The following VPS53 variants were observed in gnomAD, a reference collection of about 807,000 sequenced individuals.
VPS53 encodes the protein VPS53 subunit of GARP complex.
In VPS53, 70 loss-of-function variants were observed where a neutral mutation model predicts 107.0. The ratio of observed to expected loss-of-function variants is 0.65; its 90% confidence interval spans 0.54 to 0.80. VPS53 has a LOEUF of 0.80. VPS53 is among the 30% of genes least tolerant of loss of function. The pLI, the probability that VPS53 is intolerant of heterozygous loss-of-function variation, is 0.00. For missense variants in VPS53, 917 were observed against 1,049.4 expected (o/e 0.87, Z 1.74); for synonymous variants, 409 against 393.3 (o/e 1.04, Z -0.47).
chr17:521,487 T>C, intron 20 of VPS53, 114 bp downstream of exon 20: 1 of 1,213,588 alleles, frequency 8.2e-7, no homozygotes, highest in South Asian at 2.6e-5. Context: ...CCCAAGAATG[T>C]GGACCATGCT....
intron 5 of VPS53, chr17:657,659 C>T (rs980725055): frequency 1.7e-6 from 1 of 577,738 alleles, no homozygotes; most frequent in Non-Finnish European, 3.1e-6. Context: ...GAAGGGAGTG[C>T]CCTGGATACC....
chr17:566,471 G>A (rs1238547192), intron 13 of VPS53, among the ~76,000 whole-genome samples: 6 of 152,104 alleles, frequency 3.9e-5, no homozygotes, highest in South Asian at 2.1e-4. Context: ...CCCCCGGCCC[G>A]CCCGTCATGC....
At chr17:655,808 G>A (rs751171466) in intron 6 of VPS53, 30 bp downstream of exon 6, 2 of 1,579,990 alleles carry the variant, frequency 1.3e-6, no homozygotes, top group African/African-American at 1.4e-5. Context: ...ATTTCCCGTG[G>A]CCCCAAAAGA....
intron 4 of VPS53, among the ~76,000 whole-genome samples, chr17:662,198 C>G (rs529429543): frequency 6.6e-6 from 1 of 152,264 alleles, no homozygotes; most frequent in East Asian, 1.9e-4. Flanking sequence ...ACAAGTAGAT[C>G]TCTGTGTGTG....
chr17:687,162 G>A (rs1972615478), intron 4 of VPS53, among the ~76,000 whole-genome samples: 1 of 152,080 alleles, frequency 6.6e-6, no homozygotes, highest in African/African-American at 2.4e-5. Context: ...GTGGTCGCCT[G>A]TAATCTCAGC....
At position 578,997 on chromosome 17, in the gene VPS53, C is replaced by A. The variant is rs375596559; in HGVS notation, c.1313+7273G>T. ...TAATGCGTTCCCAGAGAACCCCCAACAGAATCTCAGTGGGTTACCAGAAAA... is the reference window on the plus strand; with the variant it reads ...TAATGCGTTCCCAGAGAACCCCCAAAAGAATCTCAGTGGGTTACCAGAAAA... On this transcript the variant is annotated intron_variant, in intron 13 of 21. Coordinates refer to ENST00000437048, the MANE Select transcript of VPS53 (RefSeq NM_001128159.3). 5.2e-3 allele frequency among the ~76,000 whole-genome samples: 777 copies of A among 150,814 alleles called. 6 individuals carry two copies. Among genetic ancestry groups the A allele is most frequent in the African/African-American group, 0.018 (741 of 40,966 alleles).
intron 6 of VPS53, among the ~76,000 whole-genome samples, chr17:655,185 G>C (rs995035553): frequency 6.6e-6 from 1 of 152,218 alleles, no homozygotes; most frequent in Non-Finnish European, 1.5e-5. Context: ...AGGTGAGCTG[G>C]AGTGTCAGAA....
chr17:555,655 T>G (rs1435079494), intron 15 of VPS53, among the ~76,000 whole-genome samples: 1 of 152,120 alleles, frequency 6.6e-6, no homozygotes, highest in Non-Finnish European at 1.5e-5. Context: ...TCTTTATACC[T>G]CCTAATGGAA....
intron 19 of VPS53, among the ~76,000 whole-genome samples, chr17:527,121 C>T (rs1038400888): frequency 2.0e-5 from 3 of 152,222 alleles, no homozygotes; most frequent in Non-Finnish European, 4.4e-5. Context: ...CAGACATGTG[C>T]ACATCCTGCT....
At position 697,534 on chromosome 17, in the gene VPS53, G is replaced by T. The variant is rs774960269; in HGVS notation, c.219-50C>A. On this transcript the variant is annotated intron_variant, in intron 3 of 21. Transcript: ENST00000437048. Reference sequence around the variant, plus strand: ...GTCATTCAAATAATCTTTATTCTAGGTTGACCAAAAGAAAAAAAGTAAAAA... The same window carrying T: ...GTCATTCAAATAATCTTTATTCTAGTTTGACCAAAAGAAAAAAAGTAAAAA... 1.2e-5 allele frequency: 18 copies of T among 1,472,072 alleles called. No individual in the cohort carries two copies. The East Asian group carries it at 1.4e-4, about 11-fold the overall frequency. The allele number at this position is 1,472,072 out of a possible 1,614,324, so 91.2% of individuals were successfully genotyped here.
Position 562,799 on chromosome 17 carries a change from C to T in VPS53, c.1314-54G>A. ...TTATTTTACTTCAAGAAAAGTAAAG[C>T]AAATGTGCTCGTTTGCAATGTACAT... is the stretch of plus-strand genomic sequence containing the variant. On this transcript the variant is annotated intron_variant, in intron 13 of 21. Transcript: ENST00000437048. The T allele has an allele frequency of 6.4e-6, 10 of 1,571,710 alleles. 1 individual carries two copies. The South Asian group carries it at 1.2e-4, about 18-fold the overall frequency.
At chr17:608,465 G>T (rs189985217) in intron 11 of VPS53, among the ~76,000 whole-genome samples, 1 of 152,064 alleles carries the variant, frequency 6.6e-6, no homozygotes, top group African/African-American at 2.4e-5. Context: ...TTGCAGAAGC[G>T]TCAAAAATAT....
At chr17:532,130 G>A (rs1187273517) in intron 19 of VPS53, 3 of 151,676 alleles carry the variant, frequency 2.0e-5, no homozygotes, top group African/African-American at 4.8e-5. Flanking sequence ...TGTATTATTA[G>A]TAGAGACAGG....
At chr17:678,543 T>G (rs1972254281) in intron 4 of VPS53, among the ~76,000 whole-genome samples, 1 of 151,636 alleles carries the variant, frequency 6.6e-6, no homozygotes, top group Non-Finnish European at 1.5e-5. Context: ...CTCGGCTCAC[T>G]ACAACCTCTG....
chr17:590,603 G>C (rs1365155557), intron 12 of VPS53, among the ~76,000 whole-genome samples: 2 of 152,066 alleles, frequency 1.3e-5, no homozygotes, highest in East Asian at 3.9e-4. Flanking sequence ...GTTGAATTTT[G>C]TCAAAGGCCT....
intron 19 of VPS53, among the ~76,000 whole-genome samples, chr17:529,694 T>C (rs1909384532): frequency 6.6e-6 from 1 of 152,150 alleles, no homozygotes; most frequent in African/African-American, 2.4e-5. Context: ...TGTAGAAGAC[T>C]TGTACATTTT....
At chr17:667,974 C>G (rs978944595) in intron 4 of VPS53, among the ~76,000 whole-genome samples, 4 of 152,188 alleles carry the variant, frequency 2.6e-5, no homozygotes, top group African/African-American at 9.7e-5. Flanking sequence ...TGAGGTGGAA[C>G]AGTTTCATCC....
intron 7 of VPS53, among the ~76,000 whole-genome samples, chr17:641,108 G>A (rs999681894): frequency 4.6e-5 from 7 of 152,002 alleles, no homozygotes; most frequent in Non-Finnish European, 8.8e-5. Context: ...CACCCACCTC[G>A]GCCTCCCAAA....
chr17:714,683 G>T lies in VPS53; in HGVS notation c.27C>A (p.Phe9Leu). MMEEEELE[F>L]VEELEAVLQL... ...GCAGCACGGCTTCCAGCTCCTCCAC[G>T]AACTCCAGTTCCTCCTCCTCCATCA... Residue 9 changes from phenylalanine (F) to leucine (L), a missense_variant, in exon 1 of 22, where the codon TTC becomes TTA. Physicochemically the swap from Phe to Leu is conservative, Grantham distance 22 (BLOSUM62 0). Coordinates refer to ENST00000437048, the MANE Select transcript of VPS53 (RefSeq NM_001128159.3). 1 of 1,612,754 alleles carries T rather than the reference G, an allele frequency of 6.2e-7. No homozygotes were observed.
Sources: allele counts gnomAD v4.1 joint callset (sites outside exome capture counted in the v4.1 genomes callset), GRCh38; gene constraint gnomAD v4.1.1; transcripts MANE v1.5; gene names NCBI Gene and HGNC (gene_info 2026-07-23, HGNC 2026-07-21).